The following ADCY1 variants were observed in gnomAD, a reference collection of about 807,000 sequenced individuals.
ADCY1 encodes the protein adenylate cyclase type 1.
In ADCY1, 28 loss-of-function variants were observed where a neutral mutation model predicts 105.4. That is an observed-to-expected ratio of 0.27 (90% confidence interval 0.20 to 0.36). The LOEUF is 0.36. ADCY1 is among the 10% of genes least tolerant of loss of function. The pLI, the probability that ADCY1 is intolerant of heterozygous loss-of-function variation, is 1.00. For synonymous variants in ADCY1, 655 were observed against 623.8 expected, an observed-to-expected ratio of 1.05 and a Z score of -0.75; for missense variants, 977 against 1,434.2, an observed-to-expected ratio of 0.68 and a Z score of 5.15.
Position 45,710,584 on chromosome 7 carries a change from G to A in ADCY1, c.2989G>A (p.Asp997Asn). 2 of 1,614,008 alleles carry A rather than the reference G, an allele frequency of 1.2e-6. No homozygotes were observed. The highest frequency in any genetic ancestry group is 1.7e-6 in the Non-Finnish European group (2 of 1,179,994). Residue 997 changes from aspartate to asparagine, a missense_variant, in exon 19 of 20, where the codon GAC becomes AAC. By Grantham distance (23) the Asp-to-Asn change is conservative (BLOSUM62 1). Around this residue, in one of 7 missense-constraint regions of ADCY1, gnomAD observed 152 missense variants for 293.7 expected, o/e 0.52. Transcript: ENST00000297323. The surrounding 1 kb of genome is among the most constrained non-coding windows in gnomAD (Gnocchi z 4.7). ...GVIGARRPQY[D>N]IWGNTVNVAS... ...GATTGGCGCTCGCAGGCCCCAGTAC[G>A]ACATCTGGGGAAACACAGTCAACGT...
intron 11 of ADCY1, among the ~76,000 whole-genome samples, chr7:45,682,100 G>A (rs1784570092): frequency 6.6e-6 from 1 of 152,192 alleles, no homozygotes; most frequent in South Asian, 2.1e-4. Flanking sequence ...TCACTGGCTT[G>A]ACATGAGGAT....
At chr7:45,707,998 C>T (rs1399318915) in intron 17 of ADCY1, among the ~76,000 whole-genome samples, 6 of 152,204 alleles carry the variant, frequency 3.9e-5, no homozygotes, top group Non-Finnish European at 1.5e-5. Context: ...ATTGCCTACT[C>T]CCTGGCATGC....
chr7:45,595,721 A>C (rs757041434), intron 2 of ADCY1, among the ~76,000 whole-genome samples: 6 of 152,132 alleles, frequency 3.9e-5, no homozygotes, highest in Admixed American at 3.3e-4. Flanking sequence ...ATTTTCTTTC[A>C]TGATTTCCTC....
rs1313216717 is a variant in ADCY1, at chr7:45,575,163, G to T, written c.620G>T (p.Arg207Leu). ...ACAGCCACCTTGGTCCCCGCCAAGC[G>T]CCCACGTCTCTGGAGGACGGTAAGT... Reference protein sequence around the residue: ...LVTATLVPAKRPRLWRTLGAN... With the variant: ...LVTATLVPAKLPRLWRTLGAN... Residue 207 changes from arginine (R) to leucine (L), a missense_variant, in exon 1 of 20, where the codon CGC becomes CTC. By Grantham distance (102) the Arg-to-Leu change is moderately radical (BLOSUM62 -2). Coordinates refer to ENST00000297323, the MANE Select transcript of ADCY1 (RefSeq NM_021116.4). This position sits in a 1 kb window ranked among gnomAD's most constrained non-coding sequence, Gnocchi z 4.7. The T allele has an allele frequency of 1.2e-6, 2 of 1,605,650 alleles. No individual in the cohort carries two copies.
At chr7:45,584,925 G>A (rs930728343) in intron 1 of ADCY1, among the ~76,000 whole-genome samples, 11 of 152,374 alleles carry the variant, frequency 7.2e-5, no homozygotes, top group South Asian at 2.1e-4. Context: ...GGCAGTTGCA[G>A]GCCTGTGCCG....
chr7:45,575,549 G>A lies in ADCY1; in HGVS notation c.639+367G>A, dbSNP rs1457432754. On this transcript the variant is annotated intron_variant, in intron 1 of 19. Coordinates refer to ENST00000297323, the MANE Select transcript of ADCY1 (RefSeq NM_021116.4). The surrounding 1 kb of genome is among the most constrained non-coding windows in gnomAD (Gnocchi z 4.7). ...CCCCACAGAGGGACTGAAAGTGGGC[G>A]AGGAGAGCAGACCCCCAGGGCAAGC... Among the ~76,000 whole-genome samples the A allele has an allele frequency of 6.6e-6, 1 of 152,266 alleles. No individual in the cohort carries two copies. The highest frequency in any genetic ancestry group is 2.4e-5 in the African/African-American group (1 of 41,476).
At chr7:45,604,321 A>G (rs886479351) in intron 2 of ADCY1, among the ~76,000 whole-genome samples, 1 of 152,160 alleles carries the variant, frequency 6.6e-6, no homozygotes, top group Non-Finnish European at 1.5e-5. Flanking sequence ...TCATTCTTTT[A>G]GCAGAGTCTT....
intron 4 of ADCY1, among the ~76,000 whole-genome samples, chr7:45,637,668 C>T (rs1159368880): frequency 6.6e-6 from 1 of 152,100 alleles, no homozygotes; most frequent in Non-Finnish European, 1.5e-5. Flanking sequence ...GAGACTGCAG[C>T]GAACTATGAT....
upstream of ADCY1, chr7:45,574,178 G>T: frequency 1.0e-6 from 1 of 974,586 alleles, no homozygotes; most frequent in Non-Finnish European, 1.2e-6. The surrounding 1 kb of genome is among the most constrained non-coding windows in gnomAD (Gnocchi z 7.0). Flanking sequence ...GGCTCGGAGG[G>T]GACAAGGAAG....
chr7:45,636,308 TCTCTGGATTACTTA>T (rs1197504126), intron 4 of ADCY1, among the ~76,000 whole-genome samples: 6 of 152,234 alleles, frequency 3.9e-5, no homozygotes, highest in Non-Finnish European at 8.8e-5. Context: ...TTTTAAGTCT[TCTCTGGATTACTTA>T]TAATATCTAC....
At chr7:45,699,744 G>A (rs933336392) in intron 14 of ADCY1, among the ~76,000 whole-genome samples, 2 of 152,128 alleles carry the variant, frequency 1.3e-5, no homozygotes, top group Non-Finnish European at 2.9e-5. Context: ...GTACTCTGAG[G>A]TCGGGCTAGG....
chr7:45,676,731 C>CA (rs1487980274), intron 8 of ADCY1, among the ~76,000 whole-genome samples: 6 of 152,088 alleles, frequency 3.9e-5, no homozygotes, highest in Non-Finnish European at 5.9e-5. Flanking sequence ...GTTTTTCTGA[C>CA]ACTATGTCAG....
chr7:45,698,775 C>T (rs1407346694), intron 14 of ADCY1, among the ~76,000 whole-genome samples: 4 of 152,124 alleles, frequency 2.6e-5, no homozygotes, highest in African/African-American at 9.7e-5. Context: ...GCTAGAGTCC[C>T]CAGTGGGGAG....
At chr7:45,706,624 A>G (rs1785126772) in intron 17 of ADCY1, among the ~76,000 whole-genome samples, 1 of 152,190 alleles carries the variant, frequency 6.6e-6, no homozygotes, top group Non-Finnish European at 1.5e-5. Context: ...ATAGAAGAAA[A>G]ATCTAGATGA....
At chr7:45,614,795 T>C (rs1341549741) in intron 3 of ADCY1, among the ~76,000 whole-genome samples, 1 of 152,232 alleles carries the variant, frequency 6.6e-6, no homozygotes, top group Non-Finnish European at 1.5e-5. Context: ...GAAGTCTTTA[T>C]TATGATAAAA....
rs947084802 is a variant in ADCY1 at position 45,647,478 on chromosome 7, G to A, written c.1021-1192G>A. Among the ~76,000 whole-genome samples the A allele has an allele frequency of 2.0e-5, 3 of 152,212 alleles. No individual in the cohort carries two copies. The highest frequency in any genetic ancestry group is 4.8e-5 in the African/African-American group (2 of 41,450). The stretch of plus-strand genomic sequence containing the variant: ...AGGATCACATTAAATATAAGCCACC[G>A]ATGTGTTCTCAGAGTGGCTGAAGGA... On this transcript the variant is annotated intron_variant, in intron 4 of 19. Transcript: ENST00000297323. The surrounding 1 kb of genome is among the most constrained non-coding windows in gnomAD (Gnocchi z 4.6).
intron 4 of ADCY1, among the ~76,000 whole-genome samples, chr7:45,631,917 C>CT (rs772287503): frequency 7.2e-5 from 11 of 152,260 alleles, no homozygotes; most frequent in South Asian, 6.2e-4. Flanking sequence ...CCTGTGTTTT[C>CT]TTCTAGGGGT....
At position 45,686,967 on chromosome 7, in the gene ADCY1, C is replaced by T. The variant is rs896637477; in HGVS notation, c.2454+294C>T. ...GCTCTTTCACGAGGCAGTGAGTCCC[C>T]CTTCACTGAACAGCATGTGCAGTGG... is the stretch of plus-strand genomic sequence containing the variant. On this transcript the variant is annotated intron_variant, in intron 14 of 19. Transcript: ENST00000297323. The surrounding 1 kb of genome is among the most constrained non-coding windows in gnomAD (Gnocchi z 4.3). Among the ~76,000 whole-genome samples, 3 of 152,126 alleles carry T rather than the reference C, an allele frequency of 2.0e-5. No homozygotes were observed. The highest frequency in any genetic ancestry group is 6.5e-5 in the Admixed American group (1 of 15,284).
At chr7:45,594,162 T>C (rs1793006801) in intron 2 of ADCY1, among the ~76,000 whole-genome samples, 1 of 152,170 alleles carries the variant, frequency 6.6e-6, no homozygotes, top group South Asian at 2.1e-4. Flanking sequence ...TGGGCATGCC[T>C]GTATGTCTGT....
Sources: gnomAD v4.1 joint callset for allele counts (sites outside exome capture counted in the v4.1 genomes callset) on GRCh38, gnomAD v4.1.1 for gene constraint, gnomAD v4.1.1 regional missense constraint, Gnocchi (gnomAD v3.1) non-coding constraint, MANE v1.5 for transcripts, NCBI Gene and HGNC (gene_info 2026-07-23, HGNC 2026-07-21) for gene names.